EVC2: variants seen among roughly 807,000 people sequenced by gnomAD.
The protein encoded by EVC2 is limbin.
A neutral mutation model predicts 149.3 loss-of-function variants in EVC2; 148 were observed. The ratio of observed to expected loss-of-function variants is 0.99; its 90% CI spans 0.87 to 1.14. The LOEUF is 1.14. Ranked by LOEUF, EVC2 falls within the 50% of genes most tolerant of loss-of-function variation. The pLI is 0.00. For missense variants in EVC2, 1,854 were observed against 1,627.3 expected (o/e 1.14, Z -2.40); for synonymous variants, 776 against 649.9 (o/e 1.19, Z -2.95).
At chr4:5,605,172 TA>T (rs1185143865) in intron 16 of EVC2, among the ~76,000 whole-genome samples, 2 of 152,258 alleles carry the variant, frequency 1.3e-5, no homozygotes, top group Non-Finnish European at 2.9e-5. Context: ...AACAGTAGGC[TA>T]TTAGGATAAT....
Position 5,618,133 on chromosome 4 carries a change from G to C in EVC2, c.2706+345C>G, listed in dbSNP as rs188700706. Among the ~76,000 whole-genome samples the C allele has an allele frequency of 6.6e-6, 1 of 152,174 alleles. No homozygotes were observed. Among genetic ancestry groups the C allele is most frequent in the African/African-American group, 2.4e-5 (1 of 41,440 alleles). On this transcript the variant is annotated intron_variant, in intron 15 of 21. Transcript: ENST00000344408. This position sits in a 1 kb window ranked among gnomAD's most constrained non-coding sequence, Gnocchi z 4.4. The stretch of plus-strand genomic sequence containing the variant: ...CTTTTGTACCCAGAGTCAGTCATTA[G>C]CTGTGGCTGGAGGAGGGGGCAGGAG...
intron 9 of EVC2, among the ~76,000 whole-genome samples, chr4:5,649,497 T>C (rs1231317084): frequency 6.6e-6 from 1 of 152,246 alleles, no homozygotes; most frequent in Non-Finnish European, 1.5e-5. Context: ...ATGACATTAA[T>C]TCTTCTTTCT....
intron 11 of EVC2, among the ~76,000 whole-genome samples, chr4:5,631,567 T>TGGG (rs71227270): frequency 1.4e-3 from 204 of 148,902 alleles, no homozygotes; most frequent in Admixed American, 5.7e-3. Flanking sequence ...CGCAGTAGAC[T>TGGG]GGGGGGGGGA....
At chr4:5,697,831 C>T (rs564426852) in intron 1 of EVC2, among the ~76,000 whole-genome samples, 184 bp from the exon 2 acceptor site, 1 of 151,982 alleles carries the variant, frequency 6.6e-6, no homozygotes, top group South Asian at 2.1e-4. Flanking sequence ...CTACAAGCTC[C>T]ACCTCCTAGG....
chr4:5,547,558 C>G (rs1335428220), intron 21 of EVC2, among the ~76,000 whole-genome samples: 2 of 152,186 alleles, frequency 1.3e-5, no homozygotes, highest in African/African-American at 4.8e-5. Flanking sequence ...ACTTCCTCCC[C>G]TCTGAAGCCC....
rs115355555 is a variant in EVC2, at chr4:5,567,193, C to G, written c.3557+1251G>C. On this transcript the variant is annotated intron_variant, in intron 20 of 21. Transcript: ENST00000344408. This position sits in a 1 kb window ranked among gnomAD's most constrained non-coding sequence, Gnocchi z 4.4. ...CAGCCCTCTGACTGCGGTCCACAAC[C>G]CACTTCCTGACTATACTGGGCCCCA... Among the ~76,000 whole-genome samples the G allele has an allele frequency of 6.6e-6, 1 of 152,014 alleles. No individual in the cohort carries two copies. The highest frequency in any genetic ancestry group is 1.5e-5 in the Non-Finnish European group (1 of 68,006).
chr4:5,667,957 G>T (rs1437444211), intron 7 of EVC2, among the ~76,000 whole-genome samples: 1 of 152,218 alleles, frequency 6.6e-6, no homozygotes, highest in Non-Finnish European at 1.5e-5. Flanking sequence ...CCAGACACCA[G>T]CCCAGGATCA....
the EVC2 span, among the ~76,000 whole-genome samples, chr4:5,532,973 A>T: frequency 6.6e-6 from 1 of 151,258 alleles, no homozygotes; most frequent in African/African-American, 2.4e-5. Flanking sequence ...AAGAGGAATA[A>T]AGGAACCGAA....
At chr4:5,616,761 C>A (rs1247015018) in intron 15 of EVC2, among the ~76,000 whole-genome samples, 2 of 152,232 alleles carry the variant, frequency 1.3e-5, no homozygotes, top group African/African-American at 4.8e-5. Context: ...CCTGACCGTG[C>A]TGGCCCAGCC....
At chr4:5,592,161 G>A (rs1259397533) in intron 16 of EVC2, among the ~76,000 whole-genome samples, 2 of 152,184 alleles carry the variant, frequency 1.3e-5, no homozygotes, top group Admixed American at 1.3e-4. Context: ...ACTGGAGAAT[G>A]TGGCTCACAT....
At position 5,622,599 on chromosome 4, in the gene EVC2, G is replaced by A. The variant is rs370538823; in HGVS notation, c.2439C>T (p.Asp813=). 36 of 1,613,996 alleles carry A rather than the reference G, an allele frequency of 2.2e-5. No homozygotes were observed. The highest frequency in any genetic ancestry group is 3.3e-5 in the Admixed American group (2 of 60,016). The change falls in exon 14 of 22, where the codon GAC becomes GAT. Residue 813 remains aspartate (D), a synonymous_variant. Transcript: ENST00000344408. The surrounding 1 kb of genome is among the most constrained non-coding windows in gnomAD (Gnocchi z 5.8). ...GCTCCTCTGTCACGGCCTCAGGAGC[G>A]TCATCCTTCAGTCTCTGCCTCACGC... ...VQSVRQRLKD[D]APEAVTEEQA... is the part of the protein sequence containing the mutation.
chr4:5,659,863 TATA>T (rs1296211097), intron 9 of EVC2, among the ~76,000 whole-genome samples: 1 of 152,210 alleles, frequency 6.6e-6, no homozygotes, highest in African/African-American at 2.4e-5. Flanking sequence ...GTCAGAAGGT[TATA>T]GAGTACCACA....
chr4:5,689,394 T>G, intron 4 of EVC2, 51 bp from the exon 5 acceptor site: 1 of 1,600,620 alleles, frequency 6.2e-7, no homozygotes, highest in South Asian at 1.1e-5. Context: ...AAGTCCAGCT[T>G]CCTAAAATGG....
At chr4:5,545,797 A>G (rs1356255329) in intron 21 of EVC2, among the ~76,000 whole-genome samples, 1 of 152,214 alleles carries the variant, frequency 6.6e-6, no homozygotes, top group Non-Finnish European at 1.5e-5. Flanking sequence ...AACCATTACA[A>G]ATAAAAATCC....
At chr4:5,642,013 C>T (rs1717365069) in intron 9 of EVC2, among the ~76,000 whole-genome samples, 1 of 152,144 alleles carries the variant, frequency 6.6e-6, no homozygotes, top group Admixed American at 6.5e-5. Flanking sequence ...TTGTTCAACT[C>T]CCACTTATGA....
the EVC2 span, among the ~76,000 whole-genome samples, chr4:5,530,052 G>A: frequency 2.6e-5 from 4 of 152,148 alleles, no homozygotes; most frequent in African/African-American, 9.7e-5. Context: ...CCGACCTCAG[G>A]TGATCTGCCC....
At chr4:5,673,472 C>T (rs1719791673) in intron 7 of EVC2, among the ~76,000 whole-genome samples, 1 of 152,224 alleles carries the variant, frequency 6.6e-6, no homozygotes, top group Admixed American at 6.5e-5. Flanking sequence ...CCAAGTTCCA[C>T]TGAGAATCAC....
At chr4:5,601,212 C>A (rs1401895198) in intron 16 of EVC2, among the ~76,000 whole-genome samples, 1 of 152,096 alleles carries the variant, frequency 6.6e-6, no homozygotes, top group Admixed American at 6.5e-5. Context: ...TAAATATCAT[C>A]AGACCACCAA....
At position 5,622,644 on chromosome 4, in the gene EVC2, C is replaced by A; in HGVS notation, c.2394G>T (p.Arg798Ser). 3 of 1,614,086 alleles carry A rather than the reference C, an allele frequency of 1.9e-6. No homozygotes were observed. The East Asian group carries it at 6.7e-5, about 36-fold the overall frequency. The change falls in exon 14 of 22, where the codon AGG (arginine) becomes AGT (serine). Residue 798 changes from arginine to serine, a missense_variant. Coordinates refer to ENST00000344408, the MANE Select transcript of EVC2 (RefSeq NM_147127.5). This position sits in a 1 kb window ranked among gnomAD's most constrained non-coding sequence, Gnocchi z 5.8. ...AEQLEGEERD[R>S]DQEGVQSVRQ... ...TCACGCTCTGGACACCCTCCTGGTCCCTGTCCCTCTCCTCCCCCTCCAGCT... is the reference window on the plus strand; with the variant it reads ...TCACGCTCTGGACACCCTCCTGGTCACTGTCCCTCTCCTCCCCCTCCAGCT...
Sources: gnomAD v4.1 joint callset for allele counts (sites outside exome capture counted in the v4.1 genomes callset) on GRCh38, gnomAD v4.1.1 for gene constraint, Gnocchi (gnomAD v3.1) non-coding constraint, MANE v1.5 for transcripts, NCBI Gene and HGNC (gene_info 2026-07-23, HGNC 2026-07-21) for gene names.